Variants in ZCCHC14 observed in about 807,000 individuals in gnomAD.
ZCCHC14 encodes the protein zinc finger CCHC domain-containing protein 14.
ZCCHC14 carries 16 observed loss-of-function variants against 85.0 expected under a neutral mutation model. The ratio of observed to expected loss-of-function variants is 0.19; its 90% CI spans 0.13 to 0.29. ZCCHC14 has a LOEUF of 0.29. ZCCHC14 is among the 10% of genes least tolerant of loss of function. The pLI, the probability that ZCCHC14 is intolerant of heterozygous loss-of-function variation, is 1.00. For synonymous variants in ZCCHC14, 775 were observed against 630.7 expected (o/e 1.23, Z -3.43); for missense variants, 1,303 against 1,443.5 (o/e 0.90, Z 1.58).
chr16:87,490,547 A>G (rs1475029552), intron 1 of ZCCHC14, among the ~76,000 whole-genome samples: 1 of 152,218 alleles, frequency 6.6e-6, no homozygotes, highest in African/African-American at 2.4e-5. Flanking sequence ...CACTTAGACA[A>G]AAGTTCACAT....
Position 87,485,748 on chromosome 16 carries a change from T to G in ZCCHC14, c.570+5921A>C, listed in dbSNP as rs1199843817. On this transcript the variant is annotated intron_variant, in intron 1 of 12. Transcript: ENST00000671377. ...AAAGATGCCCCAGCGCGAGTACCTC[T>G]TACTATTCTATTCTACTAGCTGGAC... Among the ~76,000 whole-genome samples, 2 of 152,204 alleles carry G rather than the reference T, an allele frequency of 1.3e-5. 1 individual carries two copies. Among genetic ancestry groups the G allele is most frequent in the Admixed American group, 1.3e-4 (2 of 15,280 alleles).
intron 1 of ZCCHC14, among the ~76,000 whole-genome samples, chr16:87,488,318 T>C (rs1567547374): frequency 6.6e-6 from 1 of 152,170 alleles, no homozygotes; most frequent in African/African-American, 2.4e-5. Flanking sequence ...GTTGGCACCC[T>C]GGAACAGGCG....
At chr16:87,414,573 G>C in intron 9 of ZCCHC14, 32 bp from the exon 10 acceptor site, 1 of 1,593,214 alleles carries the variant, frequency 6.3e-7, no homozygotes, top group Non-Finnish European at 8.6e-7. Flanking sequence ...GAACAAGTGA[G>C]CACTGCCTAC....
chr16:87,448,945 C>T (rs928361767), intron 2 of ZCCHC14, among the ~76,000 whole-genome samples: 5 of 152,194 alleles, frequency 3.3e-5, no homozygotes, highest in Non-Finnish European at 5.9e-5. Flanking sequence ...AGACTCACTG[C>T]GGACATCAGA....
At chr16:87,467,225 G>C in intron 1 of ZCCHC14, 1 of 1,552,104 alleles carries the variant, frequency 6.4e-7, no homozygotes. Context: ...CTCGAATGAG[G>C]ACTGCAAGCC....
At chr16:87,458,769 A>C (rs1381265544) in intron 2 of ZCCHC14, among the ~76,000 whole-genome samples, 1 of 152,282 alleles carries the variant, frequency 6.6e-6, no homozygotes, top group African/African-American at 2.4e-5. Flanking sequence ...CACGTGGCGC[A>C]CCTGCTAGGA....
chr16:87,462,786 G>A (rs117678111), intron 1 of ZCCHC14, among the ~76,000 whole-genome samples: 2,669 of 147,964 alleles, frequency 0.018, 27 homozygotes, highest in Middle Eastern at 0.057. Flanking sequence ...AAACACGGCC[G>A]AGGCCAGGCT....
chr16:87,434,790 G>A (rs974046573), intron 2 of ZCCHC14, among the ~76,000 whole-genome samples: 1 of 152,120 alleles, frequency 6.6e-6, no homozygotes, highest in Non-Finnish European at 1.5e-5. Flanking sequence ...AGGAGTTCGA[G>A]AGCAGCCTGG....
chr16:87,484,328 C>T (rs1912418004), intron 1 of ZCCHC14, among the ~76,000 whole-genome samples: 1 of 152,212 alleles, frequency 6.6e-6, no homozygotes, highest in South Asian at 2.1e-4. Context: ...TTTCCTACCT[C>T]TGGTTACATT....
rs1484718269 is a variant in ZCCHC14, at chr16:87,420,393, G to C, written c.950+214C>G. ...CCAAGACGTGGTGGGACCCACCCTG[G>C]AATTCCCTTCCTCACACACTCAGAA... On this transcript the variant is annotated intron_variant, in intron 5 of 12. Transcript: ENST00000671377. This position sits in a 1 kb window ranked among gnomAD's most constrained non-coding sequence, Gnocchi z 5.0. Among the ~76,000 whole-genome samples, 1 of 152,180 alleles carries C rather than the reference G, an allele frequency of 6.6e-6. No homozygotes were observed. Among genetic ancestry groups the C allele is most frequent in the Non-Finnish European group, 1.5e-5 (1 of 68,022 alleles).
intron 1 of ZCCHC14, among the ~76,000 whole-genome samples, chr16:87,485,603 A>T (rs1912479107): frequency 6.6e-6 from 1 of 151,720 alleles, no homozygotes; most frequent in South Asian, 2.1e-4. Flanking sequence ...AAAAAAAAAA[A>T]AAAAGAAGAA....
At chr16:87,455,742 CA>C (rs1207953021) in intron 2 of ZCCHC14, among the ~76,000 whole-genome samples, 1 of 152,222 alleles carries the variant, frequency 6.6e-6, no homozygotes, top group African/African-American at 2.4e-5. Flanking sequence ...GACTTTACAA[CA>C]GTGCAAAAGC....
intron 3 of ZCCHC14, among the ~76,000 whole-genome samples, chr16:87,429,837 C>T (rs1567517781): frequency 1.3e-5 from 2 of 152,230 alleles, no homozygotes; most frequent in Non-Finnish European, 2.9e-5. Context: ...AAACTCCTGA[C>T]CTCAGGTGAT....
chr16:87,425,448 C>T (rs369444832), intron 3 of ZCCHC14, among the ~76,000 whole-genome samples: 57 of 152,088 alleles, frequency 3.7e-4, no homozygotes, highest in African/African-American at 1.3e-3. Context: ...TGGTGGCAGG[C>T]GCCTGTAATC....
At chr16:87,421,629 G>A (rs1205199241) in intron 4 of ZCCHC14, among the ~76,000 whole-genome samples, 2 of 152,178 alleles carry the variant, frequency 1.3e-5, no homozygotes, top group African/African-American at 2.4e-5. Flanking sequence ...CGAGAGGGTA[G>A]AGAGTGCCCT....
intron 3 of ZCCHC14, among the ~76,000 whole-genome samples, chr16:87,427,998 GTC>G (rs1909462855): frequency 6.7e-6 from 1 of 148,168 alleles, no homozygotes. Context: ...GCTAGTCACA[GTC>G]TCCTGGCCTC....
At chr16:87,414,050 G>GA (rs1318098605) in intron 10 of ZCCHC14, among the ~76,000 whole-genome samples, 1 of 152,244 alleles carries the variant, frequency 6.6e-6, no homozygotes, top group Non-Finnish European at 1.5e-5. Flanking sequence ...GGTGTGATTT[G>GA]AAATCTAATG....
chr16:87,412,335 T>C lies in ZCCHC14; in HGVS notation c.2386A>G (p.Asn796Asp). 6.2e-7 allele frequency: 1 copy of C among 1,614,072 alleles called. No homozygotes were observed. Among genetic ancestry groups the C allele is most frequent in the Non-Finnish European group, 8.5e-7 (1 of 1,180,036 alleles). Residue 796 changes from asparagine to aspartate, a missense_variant, in exon 12 of 13, where the codon AAT becomes GAT. Around this residue, in one of 7 missense-constraint regions of ZCCHC14, gnomAD observed 797 missense variants for 730.8 expected, o/e 1.09. Transcript: ENST00000671377. ...SAISGQTSCP[N>D]NVQISVPPAI... is the part of the protein sequence containing the mutation. ...GGGGGCACACTTATTTGCACATTAT[T>C]AGGACAGGAAGTTTGCCCAGAAATG...
At chr16:87,411,327 C>T (rs1005207346) in intron 12 of ZCCHC14, 189 bp downstream of exon 12, 90 of 1,472,636 alleles carry the variant, frequency 6.1e-5, no homozygotes, top group East Asian at 1.4e-4. Flanking sequence ...TCATCATGGC[C>T]GTTTTAGACC....
Sources: gnomAD v4.1 joint callset for allele counts (sites outside exome capture counted in the v4.1 genomes callset) on GRCh38, gnomAD v4.1.1 for gene constraint, gnomAD v4.1.1 regional missense constraint, Gnocchi (gnomAD v3.1) non-coding constraint, MANE v1.5 for transcripts, NCBI Gene and HGNC (gene_info 2026-07-23, HGNC 2026-07-21) for gene names.